The following DZANK1 variants were observed in gnomAD, a reference collection of about 807,000 sequenced individuals.
DZANK1 encodes double zinc ribbon and ankyrin repeat-containing protein 1.
In DZANK1, 91 loss-of-function variants were observed where a neutral mutation model predicts 94.5. That is an observed-to-expected ratio of 0.96 (90% CI 0.81 to 1.15). DZANK1 has a LOEUF of 1.15. Ranked by LOEUF, DZANK1 falls within the 50% of genes most tolerant of loss-of-function variation. DZANK1 has a pLI of 0.00. For missense variants in DZANK1, 903 were observed against 916.4 expected (o/e 0.99, Z 0.19); for synonymous variants, 312 against 325.3 (o/e 0.96, Z 0.44).
At chr20:18,397,880 G>A (rs189454304) in intron 14 of DZANK1, among the ~76,000 whole-genome samples, 8 of 152,254 alleles carry the variant, frequency 5.3e-5, no homozygotes, top group Non-Finnish European at 8.8e-5. Flanking sequence ...TGCTGGAGGT[G>A]AGTGTGCCAA....
intron 4 of DZANK1, chr20:18,454,281 G>C (rs1481608682): frequency 6.0e-6 from 2 of 332,876 alleles, no homozygotes; most frequent in Non-Finnish European, 1.2e-5. Context: ...CTAAGCACTT[G>C]CTGACATATG....
At position 18,390,426 on chromosome 20, in the gene DZANK1, G is replaced by A. The variant is rs753139950; in HGVS notation, c.1843C>T (p.Pro615Ser). 1.2e-5 allele frequency: 19 copies of A among 1,613,810 alleles called. No individual in the cohort carries two copies. In the Admixed American group the frequency reaches 1.3e-4, roughly 11 times the overall value. The change falls in exon 18 of 21, where the codon CCC (proline) becomes TCC (serine). Residue 615 changes from proline to serine, a missense_variant. Pro to Ser is a moderately conservative substitution (Grantham distance 74). Coordinates refer to ENST00000262547, the Ensembl canonical transcript of DZANK1. ...ACAGAGACTCTTCCTTCCCCCGTGG[G>A]TCCGACTTCCTTCAGCAGGAGTCTG... is the stretch of plus-strand genomic sequence containing the variant.
At chr20:18,404,354 C>T (rs982600020) in intron 13 of DZANK1, among the ~76,000 whole-genome samples, 2 of 152,100 alleles carry the variant, frequency 1.3e-5, no homozygotes, top group Admixed American at 6.5e-5. Context: ...TAGGTGTGGT[C>T]AGGAAAGAGA....
chr20:18,409,638 T>C (rs2057141341), intron 13 of DZANK1, among the ~76,000 whole-genome samples: 1 of 151,644 alleles, frequency 6.6e-6, no homozygotes, highest in Non-Finnish European at 1.5e-5. Flanking sequence ...TAAAAGACAT[T>C]ATAAATGCAT....
Position 18,412,629 on chromosome 20 carries a change from G to C in DZANK1, c.1432+17C>G, listed in dbSNP as rs756066338. The C allele has an allele frequency of 6.2e-7, 1 of 1,609,574 alleles. No homozygotes were observed. The highest frequency in any genetic ancestry group is 1.3e-5 in the African/African-American group (1 of 74,930). On this transcript the variant is annotated intron_variant, in intron 13 of 20. Transcript: ENST00000262547. ...GAATTCCCTCCCGACCAGAAGAAAG[G>C]GCATCCTCCCCCTTACCTCTTCCTG...
At chr20:18,417,952 G>A (rs2057573091) in intron 10 of DZANK1, among the ~76,000 whole-genome samples, 1 of 152,220 alleles carries the variant, frequency 6.6e-6, no homozygotes, top group East Asian at 1.9e-4. Context: ...CGGGCGTGGT[G>A]GCACATGCTT....
chr20:18,438,822 C>T (rs999900046), intron 8 of DZANK1, among the ~76,000 whole-genome samples: 2 of 152,188 alleles, frequency 1.3e-5, no homozygotes, highest in African/African-American at 2.4e-5. Context: ...CAGATGGTAC[C>T]TTCTGTGTCT....
intron 10 of DZANK1, among the ~76,000 whole-genome samples, chr20:18,419,055 A>G (rs2057636787): frequency 6.6e-6 from 1 of 152,190 alleles, no homozygotes; most frequent in African/African-American, 2.4e-5. Flanking sequence ...TGAGGTCAGG[A>G]GTATGAAACC....
chr20:18,411,458 C>A (rs2057252539), intron 13 of DZANK1, among the ~76,000 whole-genome samples: 1 of 152,016 alleles, frequency 6.6e-6, no homozygotes, highest in Non-Finnish European at 1.5e-5. Context: ...AAAATCTGAA[C>A]AGACCTATAA....
At chr20:18,391,529 G>C (rs2055986643) in intron 17 of DZANK1, among the ~76,000 whole-genome samples, 1 of 152,124 alleles carries the variant, frequency 6.6e-6, no homozygotes, top group African/African-American at 2.4e-5. Context: ...CACTGGGCCT[G>C]GCTGAGTAAC....
intron 4 of DZANK1, chr20:18,454,210 C>T (rs6081149): frequency 5.5e-6 from 2 of 360,530 alleles, no homozygotes; most frequent in East Asian, 1.5e-4. Flanking sequence ...ACACACAGTC[C>T]TTAAACACTC....
intron 18 of DZANK1, among the ~76,000 whole-genome samples, chr20:18,390,159 G>A (rs77424350): frequency 6.6e-6 from 1 of 152,172 alleles, no homozygotes; most frequent in African/African-American, 2.4e-5. Context: ...ATGTTCCTTG[G>A]TCTCATCTGT....
intron 12 of DZANK1, among the ~76,000 whole-genome samples, chr20:18,413,734 T>C (rs1290981685): frequency 1.3e-5 from 2 of 151,914 alleles, no homozygotes; most frequent in Non-Finnish European, 2.9e-5. Flanking sequence ...GAGCCAAAAT[T>C]GCACCATTGC....
At chr20:18,458,751 C>T (rs771307679) in intron 3 of DZANK1, among the ~76,000 whole-genome samples, 7 of 152,160 alleles carry the variant, frequency 4.6e-5, no homozygotes, top group African/African-American at 7.2e-5. Context: ...GCTCCCAGAA[C>T]GCACACTTAC....
intron 1 of DZANK1, among the ~76,000 whole-genome samples, chr20:18,466,089 T>C (rs997393692): frequency 6.6e-6 from 1 of 152,192 alleles, no homozygotes; most frequent in Non-Finnish European, 1.5e-5. Flanking sequence ...GGAGGAAGGT[T>C]GTCATAATTA....
intron 10 of DZANK1, chr20:18,421,270 C>A: frequency 5.7e-6 from 1 of 175,188 alleles, no homozygotes. Flanking sequence ...ACATCCCCCC[C>A]GTAAAACTTT....
At chr20:18,427,019 T>G in intron 10 of DZANK1, 48 bp downstream of exon 10, 6 of 1,375,504 alleles carry the variant, frequency 4.4e-6, no homozygotes, top group African/African-American at 1.4e-5. Context: ...TCATTAACAT[T>G]GACATAGTAG....
At chr20:18,387,495 A>G (rs548385482) in intron 19 of DZANK1, among the ~76,000 whole-genome samples, 1 of 152,380 alleles carries the variant, frequency 6.6e-6, no homozygotes, top group Non-Finnish European at 1.5e-5. Context: ...ACCTCTAAGA[A>G]GTAGACTGAT....
chr20:18,429,560 C>T (rs149973023), intron 9 of DZANK1, among the ~76,000 whole-genome samples: 44 of 152,312 alleles, frequency 2.9e-4, no homozygotes, highest in African/African-American at 9.9e-4. Flanking sequence ...CCAAGTGGTA[C>T]ATTTGTCACA....
Sources: gnomAD v4.1 joint callset for allele counts (sites outside exome capture counted in the v4.1 genomes callset) on GRCh38, gnomAD v4.1.1 for gene constraint, MANE v1.5 for transcripts, NCBI Gene and HGNC (gene_info 2026-07-23, HGNC 2026-07-21) for gene names.